Variants in SV2C observed in about 807,000 individuals in gnomAD.
The protein encoded by SV2C is solute carrier family 22 member B3.
SV2C carries 49 observed loss-of-function variants against 79.7 expected under a neutral mutation model. The observed-to-expected ratio is 0.61, with a 90% CI of 0.49 to 0.78. The LOEUF (loss-of-function observed/expected upper bound fraction) is 0.78. Among genes scored for constraint, SV2C ranks in the 30% least tolerant of loss-of-function variants. The pLI is 0.00. For synonymous variants in SV2C, 334 were observed against 333.2 expected (o/e 1.00, Z -0.03); for missense variants, 833 against 912.9 (o/e 0.91, Z 1.13).
chr5:76,109,072 C>A (rs879702064), intron 1 of SV2C, among the ~76,000 whole-genome samples: 1 of 152,122 alleles, frequency 6.6e-6, no homozygotes, highest in Admixed American at 6.5e-5. Context: ...GGAGGAGATT[C>A]AGAAGAAGAA....
chr5:76,097,329 GA>G (rs1747599327), intron 1 of SV2C, among the ~76,000 whole-genome samples: 1 of 152,190 alleles, frequency 6.6e-6, no homozygotes, highest in South Asian at 2.1e-4. Flanking sequence ...ATCAAGGGAA[GA>G]CTATATTTTG....
At chr5:76,338,653 CTTTTTCT>C (rs1402936957), downstream of SV2C, among the ~76,000 whole-genome samples, 118 of 127,404 alleles carry the variant, frequency 9.3e-4, no homozygotes, top group Admixed American at 4.2e-3. Flanking sequence ...TTTTCTTTTT[CTTTTTCT>C]TTTTTTTTTT....
intron 4 of SV2C, among the ~76,000 whole-genome samples, chr5:76,246,866 C>T (rs1281504660): frequency 6.6e-6 from 1 of 152,146 alleles, no homozygotes; most frequent in Non-Finnish European, 1.5e-5. Flanking sequence ...AACGCCCCTT[C>T]TTGTGTCAAC....
chr5:76,284,132 C>T (rs1747276086), intron 4 of SV2C, among the ~76,000 whole-genome samples: 1 of 152,012 alleles, frequency 6.6e-6, no homozygotes, highest in Non-Finnish European at 1.5e-5. Flanking sequence ...TTAGAACCAG[C>T]CATTGGAATG....
At chr5:76,112,060 A>C (rs1748113288) in intron 1 of SV2C, among the ~76,000 whole-genome samples, 1 of 152,246 alleles carries the variant, frequency 6.6e-6, no homozygotes. Context: ...CATTTGTTTA[A>C]TGAATATTTT....
At chr5:76,272,954 T>C (rs1431852316) in intron 4 of SV2C, among the ~76,000 whole-genome samples, 1 of 151,848 alleles carries the variant, frequency 6.6e-6, no homozygotes, top group African/African-American at 2.4e-5. Flanking sequence ...GTGAGTAAAA[T>C]AGAGAAGGAA....
At chr5:75,990,993 G>A in the SV2C span, among the ~76,000 whole-genome samples, 4 of 151,850 alleles carry the variant, frequency 2.6e-5, no homozygotes, top group Non-Finnish European at 4.4e-5. Context: ...CACACACACA[G>A]TTGTAACCAG....
the SV2C span, among the ~76,000 whole-genome samples, chr5:75,937,064 A>G: frequency 1.0e-5 from 1 of 99,982 alleles, no homozygotes; most frequent in African/African-American, 5.3e-5. Context: ...GGCATAAAGA[A>G]ATCTAAAAGA....
chr5:75,989,875 T>C, the SV2C span, among the ~76,000 whole-genome samples: 2 of 152,056 alleles, frequency 1.3e-5, no homozygotes, highest in Non-Finnish European at 2.9e-5. Context: ...TGCATTTCTC[T>C]AATGATCTTT....
At chr5:76,004,507 T>C in the SV2C span, among the ~76,000 whole-genome samples, 4 of 152,184 alleles carry the variant, frequency 2.6e-5, no homozygotes, top group Non-Finnish European at 4.4e-5. Flanking sequence ...ACTTTCAGCA[T>C]CAGAATCAGT....
chr5:76,056,458 T>C, the SV2C span, among the ~76,000 whole-genome samples: 1 of 152,048 alleles, frequency 6.6e-6, no homozygotes. Flanking sequence ...GTTTTCTTTT[T>C]TGGTTGCATC....
intron 4 of SV2C, among the ~76,000 whole-genome samples, chr5:76,250,129 G>A (rs1326096018): frequency 6.6e-6 from 1 of 152,128 alleles, no homozygotes; most frequent in Non-Finnish European, 1.5e-5. Context: ...GTAAAGAAAT[G>A]TTGGCAGGTG....
At chr5:76,295,684 C>G (rs16873303) in intron 8 of SV2C, 94 bp from the exon 9 acceptor site, 18 of 1,252,718 alleles carry the variant, frequency 1.4e-5, no homozygotes, top group Non-Finnish European at 1.9e-5. Context: ...AGCCATTCTC[C>G]GGGAACTATT....
At chr5:76,000,869 C>T in the SV2C span, among the ~76,000 whole-genome samples, 473 of 152,232 alleles carry the variant, frequency 3.1e-3, 2 homozygotes, top group Non-Finnish European at 5.1e-3. Context: ...CACTGTTGTT[C>T]CTCCACACAA....
the SV2C span, among the ~76,000 whole-genome samples, chr5:75,898,709 T>C: frequency 6.6e-6 from 1 of 152,216 alleles, no homozygotes; most frequent in African/African-American, 2.4e-5. Context: ...GGACTCTTTT[T>C]GGTTGGTAAG....
At chr5:76,159,198 C>G (rs1580315996) in intron 2 of SV2C, among the ~76,000 whole-genome samples, 1 of 152,006 alleles carries the variant, frequency 6.6e-6, no homozygotes. Context: ...AGAGTGGATA[C>G]TTTTTCTCTA....
At chr5:76,230,529 C>T (rs1336148434) in intron 4 of SV2C, among the ~76,000 whole-genome samples, 1 of 152,114 alleles carries the variant, frequency 6.6e-6, no homozygotes, top group African/African-American at 2.4e-5. Context: ...CATGGCTGGG[C>T]GTGGTGATCC....
the SV2C span, among the ~76,000 whole-genome samples, chr5:75,879,331 A>G: frequency 6.6e-6 from 1 of 152,108 alleles, no homozygotes; most frequent in Non-Finnish European, 1.5e-5. Flanking sequence ...CTCATCTGAT[A>G]CTCATCTCCT....
intron 1 of SV2C, among the ~76,000 whole-genome samples, chr5:76,087,766 T>C (rs1747247854): frequency 6.6e-6 from 1 of 152,212 alleles, no homozygotes; most frequent in East Asian, 1.9e-4. Flanking sequence ...TATGTTTTCC[T>C]CCTTAATATT....
Sources: allele counts gnomAD v4.1 joint callset (sites outside exome capture counted in the v4.1 genomes callset), GRCh38; gene constraint gnomAD v4.1.1; transcripts MANE v1.5; gene names NCBI Gene and HGNC (gene_info 2026-07-23, HGNC 2026-07-21).